Variants in DCP1A observed in about 807,000 individuals in gnomAD.
The protein encoded by DCP1A is mRNA-decapping enzyme 1A.
In DCP1A, 20 loss-of-function variants were observed where a neutral mutation model predicts 58.0. The ratio of observed to expected loss-of-function variants is 0.34; its 90% CI spans 0.24 to 0.50. DCP1A has a LOEUF of 0.50. Ranked by LOEUF, DCP1A falls within the 20% of genes least tolerant of loss-of-function variation. DCP1A has a pLI of 0.98. For synonymous variants in DCP1A, 285 were observed against 275.1 expected (o/e 1.04, Z -0.36); for missense variants, 613 against 712.2 (o/e 0.86, Z 1.59).
chr3:53,315,790 G>C (rs1490344400), intron 4 of DCP1A, among the ~76,000 whole-genome samples: 1 of 110,666 alleles, frequency 9.0e-6, no homozygotes, highest in African/African-American at 3.5e-5. Flanking sequence ...GTCTCGCTCT[G>C]TCGCCCAGGC....
At chr3:53,289,119 TCCC>T (rs1559677864) in intron 8 of DCP1A, among the ~76,000 whole-genome samples, 1 of 150,174 alleles carries the variant, frequency 6.7e-6, no homozygotes, top group Admixed American at 6.6e-5. Flanking sequence ...CAAGCAATCC[TCCC>T]CCCATTTTTG....
At chr3:53,323,237 T>C (rs1337685022) in intron 3 of DCP1A, among the ~76,000 whole-genome samples, 2 of 152,228 alleles carry the variant, frequency 1.3e-5, no homozygotes, top group African/African-American at 4.8e-5. Context: ...ATGTTTTACA[T>C]CATGGTAAGT....
rs549577972 is a variant in DCP1A, at chr3:53,315,203, T to C, written c.372-2824A>G. On this transcript the variant is annotated intron_variant, in intron 4 of 9. Transcript: ENST00000610213. ...TTCCATGAGTTCTCCAAAGTTTACA[T>C]AGTCTATGTGGCCAAACCGTCAAAC... is the stretch of plus-strand genomic sequence containing the variant. 2.0e-4 allele frequency among the ~76,000 whole-genome samples: 31 copies of C among 152,290 alleles called. 1 individual carries two copies. The highest frequency in any genetic ancestry group is 9.7e-4 in the East Asian group (5 of 5,164).
At chr3:53,331,292 C>T (rs372003219) in intron 3 of DCP1A, among the ~76,000 whole-genome samples, 47 of 152,302 alleles carry the variant, frequency 3.1e-4, no homozygotes, top group African/African-American at 1.1e-3. Context: ...GACTGTCTAG[C>T]TGTAAGAAAG....
intron 8 of DCP1A, among the ~76,000 whole-genome samples, chr3:53,288,942 G>T (rs1706750671): frequency 6.6e-6 from 1 of 152,070 alleles, no homozygotes; most frequent in Non-Finnish European, 1.5e-5. Flanking sequence ...TTGAACCCAG[G>T]AGGTGGAGGT....
At chr3:53,339,354 A>G (rs1249566885) in intron 3 of DCP1A, among the ~76,000 whole-genome samples, 1 of 152,196 alleles carries the variant, frequency 6.6e-6, no homozygotes, top group African/African-American at 2.4e-5. Context: ...ATCAGTTGAA[A>G]ATTTTCTAAA....
intron 4 of DCP1A, among the ~76,000 whole-genome samples, chr3:53,314,667 CTTTTTTTTTTTT>C (rs1167830951): frequency 9.2e-5 from 8 of 86,722 alleles, no homozygotes; most frequent in African/African-American, 3.7e-4. Context: ...TTTTCTTTTT[CTTTTTTTTTTTT>C]TTTTTTTTTT....
Position 53,286,890 on chromosome 3 carries a change from T to A in DCP1A, c.*690A>T, listed in dbSNP as rs1706655479. ...CCTTCAAAGGTATGACATGCCTGTG[T>A]CCACACCACCAGAGCCTGACAGTGC... On this transcript the variant is annotated 3_prime_UTR_variant, in exon 10 of 10. Transcript: ENST00000610213. 1 of 152,238 alleles carries A rather than the reference T, an allele frequency of 6.6e-6. No homozygotes were observed. Among genetic ancestry groups the A allele is most frequent in the Non-Finnish European group, 1.5e-5 (1 of 68,062 alleles). 9.4% of individuals were successfully genotyped at this position (152,238 alleles called of 1,614,324 possible).
At chr3:53,330,575 T>C (rs561314053) in intron 3 of DCP1A, among the ~76,000 whole-genome samples, 4 of 150,616 alleles carry the variant, frequency 2.7e-5, no homozygotes, top group African/African-American at 2.4e-5. Context: ...AGTTTTGACA[T>C]AGAAAGTTCT....
chr3:53,342,018 A>G, intron 3 of DCP1A, 126 bp downstream of exon 3: 1 of 841,460 alleles, frequency 1.2e-6, no homozygotes, highest in Non-Finnish European at 1.8e-6. Flanking sequence ...CAACAGACTC[A>G]TTTATAATCA....
intron 5 of DCP1A, among the ~76,000 whole-genome samples, chr3:53,308,452 T>C (rs1222306522): frequency 6.6e-6 from 1 of 152,114 alleles, no homozygotes; most frequent in African/African-American, 2.4e-5. Context: ...CCACCACACC[T>C]GGCTGATTTT....
chr3:53,343,080 T>A (rs1219557906), intron 2 of DCP1A, among the ~76,000 whole-genome samples: 2 of 152,240 alleles, frequency 1.3e-5, no homozygotes, highest in African/African-American at 2.4e-5. Context: ...ACTCTTCACA[T>A]GTACCTAACA....
At chr3:53,317,072 T>A (rs1407513753) in intron 4 of DCP1A, among the ~76,000 whole-genome samples, 1 of 152,210 alleles carries the variant, frequency 6.6e-6, no homozygotes, top group Non-Finnish European at 1.5e-5. Flanking sequence ...CAGGAGAAAG[T>A]GTTTATATAT....
At chr3:53,292,026 T>C (rs782310471) in intron 7 of DCP1A, 43 bp downstream of exon 7, 11 of 1,555,508 alleles carry the variant, frequency 7.1e-6, no homozygotes, top group Non-Finnish European at 9.5e-6. Context: ...TCCCATCCAG[T>C]TACAGTTACC....
chr3:53,330,349 C>G (rs76808290), intron 3 of DCP1A, among the ~76,000 whole-genome samples: 1,570 of 152,106 alleles, frequency 0.01, 22 homozygotes, highest in African/African-American at 0.036. Flanking sequence ...TTGGTCAACA[C>G]AGCAAGACCC....
Position 53,292,810 on chromosome 3 carries a change from G to T in DCP1A, c.642C>A (p.His214Gln). 4.4e-6 allele frequency: 7 copies of T among 1,607,428 alleles called. No individual in the cohort carries two copies. The highest frequency in any genetic ancestry group is 5.1e-6 in the Non-Finnish European group (6 of 1,179,564). ...GSQDKSAPSG[H>Q]KHLTVEELFG... ...ATAACTCTTCTACCGTCAGATGCTT[G>T]TGTCCAGATGGAGCAGACTGAAAAA... The change falls in exon 7 of 10, where the codon CAC (histidine) becomes CAA (glutamine). Residue 214 changes from histidine (H) to glutamine (Q), a missense_variant. Physicochemically the swap from His to Gln is conservative, Grantham distance 24. This residue lies in a region of DCP1A where 498 missense variants were observed against 556.7 expected (regional missense o/e 0.89). Transcript: ENST00000610213.
chr3:53,339,181 A>C (rs925055602), intron 3 of DCP1A, among the ~76,000 whole-genome samples: 1 of 152,168 alleles, frequency 6.6e-6, no homozygotes, highest in East Asian at 1.9e-4. Flanking sequence ...CACTTTTAAG[A>C]CTATGTAGAC....
chr3:53,289,441 T>A (rs1302885181), intron 8 of DCP1A, among the ~76,000 whole-genome samples: 5 of 151,654 alleles, frequency 3.3e-5, no homozygotes, highest in Non-Finnish European at 7.4e-5. Flanking sequence ...TGAAACCCCA[T>A]CTCTACTAAA....
At position 53,287,342 on chromosome 3, in the gene DCP1A, C is replaced by CTTTTTTTT. The variant is rs35716152; in HGVS notation, c.*230_*237dup. ...CATAACTTAACACAATGATCGCTCT[C>CTTTTTTTT]TTTTTTTTTTTTTTTTTTTTTTTTT... On this transcript the variant is annotated 3_prime_UTR_variant, in exon 10 of 10. Coordinates refer to ENST00000610213, the MANE Select transcript of DCP1A (RefSeq NM_018403.7). The CTTTTTTTT allele has an allele frequency of 1.2e-5, 2 of 166,410 alleles. No homozygotes were observed. The highest frequency in any genetic ancestry group is 8.7e-5 in the African/African-American group (2 of 22,878). The allele number at this position is 166,410 out of a possible 1,614,324, so 10.3% of individuals were successfully genotyped here. A position where few individuals can be genotyped will look rare whatever the true frequency, so the allele number is the denominator to read the frequency against.
Sources: allele counts gnomAD v4.1 joint callset (sites outside exome capture counted in the v4.1 genomes callset), GRCh38; gene constraint gnomAD v4.1.1; regional missense constraint gnomAD v4.1.1; transcripts MANE v1.5; gene names NCBI Gene and HGNC (gene_info 2026-07-23, HGNC 2026-07-21).